MTMR12: variants seen among roughly 807,000 people sequenced by gnomAD.
MTMR12 encodes myotubularin-related protein 12.
MTMR12 carries 33 observed loss-of-function variants against 96.7 expected under a neutral mutation model. The ratio of observed to expected loss-of-function variants is 0.34; its 90% CI spans 0.26 to 0.46. MTMR12 has a LOEUF of 0.46. Among genes scored for constraint, MTMR12 ranks in the 20% least tolerant of loss-of-function variants. The pLI is 1.00. For synonymous variants in MTMR12, 298 were observed against 327.2 expected, an observed-to-expected ratio of 0.91 and a Z score of 0.96; for missense variants, 721 against 896.1, an observed-to-expected ratio of 0.80 and a Z score of 2.49.
At chr5:32,262,493 C>A (rs1215133545) in intron 7 of MTMR12, among the ~76,000 whole-genome samples, 1 of 152,002 alleles carries the variant, frequency 6.6e-6, no homozygotes, top group Non-Finnish European at 1.5e-5. Context: ...CCCAGCTACT[C>A]AGGAGGCTGA....
At chr5:32,311,132 C>T (rs539920946) in intron 1 of MTMR12, among the ~76,000 whole-genome samples, 2 of 152,286 alleles carry the variant, frequency 1.3e-5, no homozygotes, top group South Asian at 4.1e-4. Flanking sequence ...GCTGGGATTA[C>T]AGGTGTCAGC....
At chr5:32,247,948 A>C in intron 10 of MTMR12, 54 bp downstream of exon 10, 1 of 1,588,262 alleles carries the variant, frequency 6.3e-7, no homozygotes, top group Non-Finnish European at 8.6e-7. Context: ...CCTGATCTGC[A>C]TGGCATGTCT....
intron 1 of MTMR12, among the ~76,000 whole-genome samples, chr5:32,296,885 A>G (rs925029641): frequency 1.3e-5 from 2 of 152,072 alleles, no homozygotes; most frequent in South Asian, 2.1e-4. Context: ...GGCGGACCAC[A>G]AGGTCAGGAG....
At chr5:32,232,249 C>T (rs145881210) in intron 15 of MTMR12, among the ~76,000 whole-genome samples, 3 of 152,314 alleles carry the variant, frequency 2.0e-5, no homozygotes, top group Admixed American at 1.3e-4. Context: ...AGAACTTCCC[C>T]CAGGCCACCA....
chr5:32,242,233 T>C (rs1748505871), intron 11 of MTMR12, 106 bp from the exon 12 acceptor site: 1 of 730,878 alleles, frequency 1.4e-6, no homozygotes, highest in Non-Finnish European at 2.1e-6. Context: ...TCTTCTCTCT[T>C]ATTTTTTTTT....
intron 13 of MTMR12, among the ~76,000 whole-genome samples, chr5:32,236,781 G>T (rs532816876): frequency 6.7e-6 from 1 of 149,600 alleles, no homozygotes; most frequent in Admixed American, 6.6e-5. Flanking sequence ...AGGTGGCAAT[G>T]AGCCAAGATT....
chr5:32,291,394 C>A (rs1750732484), intron 1 of MTMR12, among the ~76,000 whole-genome samples: 1 of 152,184 alleles, frequency 6.6e-6, no homozygotes, highest in African/African-American at 2.4e-5. Context: ...GATTCATAGG[C>A]TGTAGCCAAT....
intron 6 of MTMR12, 86 bp from the exon 7 acceptor site, chr5:32,263,328 G>C: frequency 6.5e-7 from 1 of 1,537,018 alleles, no homozygotes; most frequent in Non-Finnish European, 8.9e-7. Context: ...CTTAGGTTTT[G>C]GTTTCCTCCA....
intron 1 of MTMR12, among the ~76,000 whole-genome samples, chr5:32,287,261 G>A (rs1750572796): frequency 6.6e-6 from 1 of 152,170 alleles, no homozygotes; most frequent in Non-Finnish European, 1.5e-5. Context: ...TGAGTCAGTG[G>A]GCTGGGAAAG....
chr5:32,286,191 T>C (rs1750533779), intron 1 of MTMR12, among the ~76,000 whole-genome samples: 1 of 151,962 alleles, frequency 6.6e-6, no homozygotes, highest in African/African-American at 2.4e-5. Context: ...ATATAAAAAT[T>C]AGCAGGGCAT....
At chr5:32,311,150 C>T (rs1751577535) in intron 1 of MTMR12, among the ~76,000 whole-genome samples, 3 of 152,128 alleles carry the variant, frequency 2.0e-5, no homozygotes, top group African/African-American at 7.2e-5. Context: ...AGCCACCATG[C>T]CCAGCCCAAA....
At position 32,312,918 on chromosome 5, in the gene MTMR12, C is replaced by A; in HGVS notation, c.-80G>T. 7.6e-7 allele frequency: 1 copy of A among 1,321,958 alleles called. No individual in the cohort carries two copies. Among genetic ancestry groups the A allele is most frequent in the Non-Finnish European group, 1.0e-6 (1 of 1,003,594 alleles). 81.9% of individuals were successfully genotyped at this position (1,321,958 alleles called of 1,614,324 possible). ...CAGCTGGGGCAGCAGCGGCGGCCAC[C>A]AGCACTAGCGGCTGGGGCTCCGCCC... On this transcript the variant is annotated 5_prime_UTR_variant, in exon 1 of 16. Coordinates refer to ENST00000382142, the MANE Select transcript of MTMR12 (RefSeq NM_001040446.3). This position sits in a 1 kb window ranked among gnomAD's most constrained non-coding sequence, Gnocchi z 5.0.
At chr5:32,290,663 G>A (rs1386453861) in intron 1 of MTMR12, among the ~76,000 whole-genome samples, 1 of 152,146 alleles carries the variant, frequency 6.6e-6, no homozygotes, top group Non-Finnish European at 1.5e-5. Context: ...ACAAGTCCAG[G>A]CTGCTTTGCA....
intron 1 of MTMR12, among the ~76,000 whole-genome samples, chr5:32,290,457 T>G (rs1180391947): frequency 5.3e-5 from 8 of 152,200 alleles, no homozygotes; most frequent in African/African-American, 1.9e-4. Context: ...GTGTGCGGCC[T>G]GTTGAGATAC....
At chr5:32,283,924 A>G (rs1750409319) in intron 1 of MTMR12, among the ~76,000 whole-genome samples, 1 of 152,170 alleles carries the variant, frequency 6.6e-6, no homozygotes, top group South Asian at 2.1e-4. Context: ...AACTGACTCA[A>G]GAGTTCAATG....
At chr5:32,257,280 A>C (rs1749177377) in intron 7 of MTMR12, among the ~76,000 whole-genome samples, 1 of 152,220 alleles carries the variant, frequency 6.6e-6, no homozygotes, top group South Asian at 2.1e-4. Flanking sequence ...TCACTGTGCT[A>C]CTGCACTTAA....
intron 2 of MTMR12, among the ~76,000 whole-genome samples, chr5:32,274,466 A>G (rs562987347): frequency 2.0e-5 from 3 of 152,312 alleles, no homozygotes; most frequent in Admixed American, 6.5e-5. Flanking sequence ...CTTTGACCCA[A>G]GCAGATGTTC....
At chr5:32,290,907 T>C (rs1349859208) in intron 1 of MTMR12, among the ~76,000 whole-genome samples, 1 of 152,220 alleles carries the variant, frequency 6.6e-6, no homozygotes, top group Non-Finnish European at 1.5e-5. Context: ...TGTTTGACTA[T>C]GGGTCAAGTC....
In MTMR12 at chr5:32,229,319, AACTCCCC is replaced by A. The variant is rs908509723; in HGVS notation, c.*452_*458del. The A allele has an allele frequency of 1.3e-5, 2 of 153,614 alleles. No individual in the cohort carries two copies. Among genetic ancestry groups the A allele is most frequent in the African/African-American group, 4.8e-5 (2 of 41,502 alleles). 9.5% of individuals were successfully genotyped at this position (153,614 alleles called of 1,614,324 possible). A position where few individuals can be genotyped will look rare whatever the true frequency, so the allele number is the denominator to read the frequency against. ...TCTTAATACCTCTATCTGAATCTTC[AACTCCCC>A]ATACAAATACATAAAGCTGAACTTG... On this transcript the variant is annotated 3_prime_UTR_variant, in exon 16 of 16. Coordinates refer to ENST00000382142, the MANE Select transcript of MTMR12 (RefSeq NM_001040446.3).
Sources: allele counts gnomAD v4.1 joint callset (sites outside exome capture counted in the v4.1 genomes callset), GRCh38; gene constraint gnomAD v4.1.1; non-coding constraint Gnocchi (gnomAD v3.1); transcripts MANE v1.5; gene names NCBI Gene and HGNC (gene_info 2026-07-23, HGNC 2026-07-21).